The following DLGAP2 variants were observed in gnomAD, a reference collection of about 807,000 sequenced individuals.
The protein encoded by DLGAP2 is DLG associated protein 2.
A neutral mutation model predicts 100.3 loss-of-function variants in DLGAP2; 26 were observed. That is an observed-to-expected ratio of 0.26 (90% confidence interval 0.19 to 0.36). The LOEUF (loss-of-function observed/expected upper bound fraction) is 0.36, where lower values mean the gene tolerates loss of function less well. Ranked by LOEUF, DLGAP2 falls within the 10% of genes least tolerant of loss-of-function variation. The pLI is 1.00. For missense variants in DLGAP2, 1,858 were observed against 1,453.2 expected, an observed-to-expected ratio of 1.28 and a Z score of -4.53; for synonymous variants, 886 against 630.1, an observed-to-expected ratio of 1.41 and a Z score of -6.08.
At chr8:1,258,431 C>A (rs571418933) in intron 2 of DLGAP2, among the ~76,000 whole-genome samples, 1 of 121,240 alleles carries the variant, frequency 8.2e-6, no homozygotes, top group Non-Finnish European at 1.7e-5. Flanking sequence ...TGGGGCCTGT[C>A]GGTGGGTGGG....
chr8:1,592,056 C>A (rs1436849594), intron 6 of DLGAP2, among the ~76,000 whole-genome samples: 2 of 152,150 alleles, frequency 1.3e-5, no homozygotes, highest in Non-Finnish European at 2.9e-5. Flanking sequence ...TATCCAGTCT[C>A]ATTTATCCCT....
At chr8:1,247,344 C>A (rs764685023) in intron 2 of DLGAP2, among the ~76,000 whole-genome samples, 1 of 110,956 alleles carries the variant, frequency 9.0e-6, no homozygotes, top group Non-Finnish European at 1.9e-5. Flanking sequence ...CGGTGGCCAG[C>A]AAGACCTTTG....
chr8:1,346,294 C>T (rs372669995), intron 3 of DLGAP2, among the ~76,000 whole-genome samples: 3 of 151,502 alleles, frequency 2.0e-5, no homozygotes, highest in African/African-American at 7.3e-5. Context: ...TACACATCTG[C>T]ATTGCTCTCA....
At chr8:963,089 C>G (rs1799765495) in intron 2 of DLGAP2, among the ~76,000 whole-genome samples, 1 of 152,172 alleles carries the variant, frequency 6.6e-6, no homozygotes, top group Non-Finnish European at 1.5e-5. Context: ...CAGGAAAGCA[C>G]CAGTGACATC....
chr8:1,682,977 C>G (rs1798996988), intron 12 of DLGAP2, among the ~76,000 whole-genome samples: 5 of 151,400 alleles, frequency 3.3e-5, no homozygotes, highest in Admixed American at 3.3e-4. Flanking sequence ...CTCCTCTGGA[C>G]TCTCTCAGTG....
chr8:1,172,301 C>T (rs564839184), intron 2 of DLGAP2, among the ~76,000 whole-genome samples: 1 of 152,180 alleles, frequency 6.6e-6, no homozygotes, highest in Non-Finnish European at 1.5e-5. Flanking sequence ...ACCTTTCTCT[C>T]TGGCTCTCCT....
chr8:1,374,980 A>C (rs1178580856), intron 3 of DLGAP2, among the ~76,000 whole-genome samples: 1 of 151,458 alleles, frequency 6.6e-6, no homozygotes, highest in Non-Finnish European at 1.5e-5. Flanking sequence ...GCCCAATACC[A>C]CAGCCGGGGC....
intron 2 of DLGAP2, among the ~76,000 whole-genome samples, chr8:1,206,824 C>A (rs1798006553): frequency 6.6e-6 from 1 of 152,176 alleles, no homozygotes; most frequent in Non-Finnish European, 1.5e-5. Context: ...TCCACGGGCC[C>A]CTCTTCTGTC....
At chr8:767,523 A>C (rs970702856) in intron 1 of DLGAP2, among the ~76,000 whole-genome samples, 1 of 151,786 alleles carries the variant, frequency 6.6e-6, no homozygotes, top group African/African-American at 2.4e-5. Flanking sequence ...TGCCCGGCTA[A>C]TTTTTGTATT....
chr8:1,186,935 A>T (rs571479613), intron 2 of DLGAP2, among the ~76,000 whole-genome samples: 2 of 152,300 alleles, frequency 1.3e-5, no homozygotes, highest in South Asian at 4.1e-4. Context: ...TGTGTGGGGC[A>T]GAAGGAAAAT....
chr8:1,548,458 GAAAAAAAAAAAAAA>G (rs773138776), intron 4 of DLGAP2, among the ~76,000 whole-genome samples, 154 bp from the exon 5 acceptor site: 7 of 41,572 alleles, frequency 1.7e-4, no homozygotes, highest in Admixed American at 8.0e-4. Context: ...GACTGTCTCA[GAAAAAAAAAAAAAA>G]AAAAAAAAAA....
At chr8:744,253 A>C (rs1308910414) in intron 1 of DLGAP2, among the ~76,000 whole-genome samples, 1 of 151,862 alleles carries the variant, frequency 6.6e-6, no homozygotes, top group East Asian at 1.9e-4. Flanking sequence ...TTGGGTTGGG[A>C]AGGTTTCTCT....
At chr8:831,755 G>T (rs780487805) in intron 1 of DLGAP2, among the ~76,000 whole-genome samples, 16 of 152,092 alleles carry the variant, frequency 1.1e-4, no homozygotes, top group African/African-American at 1.7e-4. Context: ...TGGGTCAAAT[G>T]GTATTTCTAG....
At chr8:897,823 G>A (rs1412233646) in intron 1 of DLGAP2, among the ~76,000 whole-genome samples, 1 of 152,164 alleles carries the variant, frequency 6.6e-6, no homozygotes, top group African/African-American at 2.4e-5. Context: ...CCCAGCTGGG[G>A]TGCTCTCCGT....
At chr8:1,298,082 C>T (rs1270458222) in intron 3 of DLGAP2, among the ~76,000 whole-genome samples, 1 of 113,122 alleles carries the variant, frequency 8.8e-6, no homozygotes, top group African/African-American at 3.7e-5. Flanking sequence ...CAGGCGTCAA[C>T]AGACACCACG....
chr8:1,471,601 CCT>C (rs1165887393), intron 3 of DLGAP2, among the ~76,000 whole-genome samples: 4 of 150,706 alleles, frequency 2.7e-5, no homozygotes, highest in African/African-American at 4.9e-5. Context: ...CCTCCTCTCA[CCT>C]CCTGCCCACA....
At chr8:1,224,180 C>A (rs1798370675) in intron 2 of DLGAP2, among the ~76,000 whole-genome samples, 1 of 152,160 alleles carries the variant, frequency 6.6e-6, no homozygotes, top group African/African-American at 2.4e-5. Flanking sequence ...AAGAAAATGA[C>A]AGATAATGAA....
intron 2 of DLGAP2, among the ~76,000 whole-genome samples, chr8:977,047 C>T (rs529844336): frequency 5.3e-5 from 8 of 152,316 alleles, no homozygotes; most frequent in African/African-American, 1.9e-4. Context: ...TAATAAAATA[C>T]ATGGATTGGT....
At chr8:1,278,138 G>A (rs945328279) in intron 3 of DLGAP2, among the ~76,000 whole-genome samples, 3 of 152,134 alleles carry the variant, frequency 2.0e-5, no homozygotes, top group Non-Finnish European at 2.9e-5. Flanking sequence ...AGTGGCATCC[G>A]TGCTCACGGA....
Sources: allele counts gnomAD v4.1 joint callset (sites outside exome capture counted in the v4.1 genomes callset), GRCh38; gene constraint gnomAD v4.1.1; transcripts MANE v1.5; gene names NCBI Gene and HGNC (gene_info 2026-07-23, HGNC 2026-07-21).